TENM4: variants seen among roughly 807,000 people sequenced by gnomAD.
The protein encoded by TENM4 is teneurin-4.
In TENM4, 82 loss-of-function variants were observed where a neutral mutation model predicts 243.3. The ratio of observed to expected loss-of-function variants is 0.34; its 90% CI spans 0.28 to 0.40. TENM4 has a LOEUF of 0.40. Ranked by LOEUF, TENM4 falls within the 10% of genes least tolerant of loss-of-function variation. The pLI, the probability that TENM4 is intolerant of heterozygous loss-of-function variation, is 1.00. For missense variants in TENM4, 3,138 were observed against 3,673.3 expected, an observed-to-expected ratio of 0.85 and a Z score of 3.77; for synonymous variants, 1,412 against 1,456.3, an observed-to-expected ratio of 0.97 and a Z score of 0.69.
chr11:79,140,528 C>T (rs188945452), intron 4 of TENM4, among the ~76,000 whole-genome samples: 1 of 152,212 alleles, frequency 6.6e-6, no homozygotes, highest in Non-Finnish European at 1.5e-5. Flanking sequence ...GTGTGAGGCT[C>T]AGACTGAGCC....
chr11:79,235,936 G>T (rs1003050505), intron 2 of TENM4, among the ~76,000 whole-genome samples: 1 of 152,018 alleles, frequency 6.6e-6, no homozygotes, highest in African/African-American at 2.4e-5. Context: ...GATGCCTGAG[G>T]TTCAAGCTCT....
intron 6 of TENM4, among the ~76,000 whole-genome samples, chr11:79,038,150 G>A (rs1487916860): frequency 1.3e-5 from 2 of 152,138 alleles, no homozygotes; most frequent in Non-Finnish European, 2.9e-5. Context: ...TCCAGCATAG[G>A]GCCTGCCTAG....
chr11:79,180,094 T>C (rs1466403253), intron 3 of TENM4, among the ~76,000 whole-genome samples: 1 of 151,718 alleles, frequency 6.6e-6, no homozygotes, highest in East Asian at 1.9e-4. Flanking sequence ...AGGTACAGGC[T>C]TAAAATTAAC....
At chr11:78,670,667 A>T in intron 31 of TENM4, 116 bp from the exon 32 acceptor site, 2 of 1,076,288 alleles carry the variant, frequency 1.9e-6, no homozygotes, top group Non-Finnish European at 2.7e-6. Flanking sequence ...CTGAGTTTCC[A>T]TGGTTCTCTT....
chr11:79,382,973 G>A (rs1668592633), intron 1 of TENM4, among the ~76,000 whole-genome samples: 1 of 152,238 alleles, frequency 6.6e-6, no homozygotes, highest in South Asian at 2.1e-4. Flanking sequence ...CGCTCTGCCT[G>A]TGGCCTCCTG....
At chr11:79,338,343 A>G (rs944258053) in intron 1 of TENM4, among the ~76,000 whole-genome samples, 1 of 152,172 alleles carries the variant, frequency 6.6e-6, no homozygotes, top group African/African-American at 2.4e-5. Context: ...ATTGTTTCTG[A>G]AAAGCAGCTG....
chr11:79,394,559 G>T (rs961529991), intron 1 of TENM4, among the ~76,000 whole-genome samples: 1 of 152,108 alleles, frequency 6.6e-6, no homozygotes, highest in Non-Finnish European at 1.5e-5. Flanking sequence ...CCATATAGAG[G>T]TATTATTTTG....
At chr11:78,900,121 T>C (rs936972296) in intron 7 of TENM4, among the ~76,000 whole-genome samples, 1 of 152,222 alleles carries the variant, frequency 6.6e-6, no homozygotes, top group South Asian at 2.1e-4. Flanking sequence ...ATGAATAGCC[T>C]AGCTGAGCTC....
At chr11:79,407,381 G>A (rs1339964234) in intron 1 of TENM4, among the ~76,000 whole-genome samples, 1 of 152,234 alleles carries the variant, frequency 6.6e-6, no homozygotes, top group Admixed American at 6.5e-5. Context: ...AACCAATCAT[G>A]TAATTAGTAA....
At chr11:79,245,698 G>A (rs1855498683) in intron 2 of TENM4, among the ~76,000 whole-genome samples, 1 of 152,144 alleles carries the variant, frequency 6.6e-6, no homozygotes, top group African/African-American at 2.4e-5. Context: ...CCAGCACTTT[G>A]GGAGGCTGAG....
At position 78,852,292 on chromosome 11, in the gene TENM4, A is replaced by G. The variant is rs142496186; in HGVS notation, c.1681+1812T>C. 3.0e-4 allele frequency among the ~76,000 whole-genome samples: 46 copies of G among 152,362 alleles called. 1 individual carries two copies. In the East Asian group the frequency reaches 8.7e-3, roughly 29 times the overall value. ...TATTTAGAGCAGAAGCTTTTCAGCC[A>G]CACCCTGTATTTAATGGGAAGATAC... is the stretch of plus-strand genomic sequence containing the variant. On this transcript the variant is annotated intron_variant, in intron 12 of 33. Transcript: ENST00000278550.
At chr11:79,319,606 G>A (rs1319631340) in intron 1 of TENM4, among the ~76,000 whole-genome samples, 7 of 152,092 alleles carry the variant, frequency 4.6e-5, no homozygotes, top group Non-Finnish European at 7.4e-5. Context: ...CCAGCAACGC[G>A]CAGCCTGATC....
intron 19 of TENM4, among the ~76,000 whole-genome samples, chr11:78,750,421 A>T (rs1197782355): frequency 6.6e-6 from 1 of 152,168 alleles, no homozygotes; most frequent in Non-Finnish European, 1.5e-5. Context: ...CCCGACTGAA[A>T]TTTTTGTCTC....
intron 3 of TENM4, among the ~76,000 whole-genome samples, chr11:79,200,183 C>T (rs1863711473): frequency 1.3e-5 from 2 of 152,182 alleles, no homozygotes. Flanking sequence ...TCTAGGGATG[C>T]CAACGCAGGC....
intron 2 of TENM4, among the ~76,000 whole-genome samples, chr11:79,293,148 TC>T (rs1856385109): frequency 1.3e-5 from 2 of 152,030 alleles, no homozygotes; most frequent in African/African-American, 2.4e-5. Flanking sequence ...TTTATGTAAG[TC>T]AAGTACATAA....
At chr11:79,322,162 G>T (rs563509853) in intron 1 of TENM4, among the ~76,000 whole-genome samples, 42 of 152,146 alleles carry the variant, frequency 2.8e-4, no homozygotes, top group Non-Finnish European at 5.6e-4. Flanking sequence ...CTGTCCAGAT[G>T]GCCCCTCTGC....
At chr11:79,026,970 G>A (rs1859097172) in intron 6 of TENM4, among the ~76,000 whole-genome samples, 1 of 152,098 alleles carries the variant, frequency 6.6e-6, no homozygotes, top group African/African-American at 2.4e-5. Context: ...AGTGGGCTAG[G>A]GAGGCAGTGA....
At position 78,661,451 on chromosome 11, in the gene TENM4, T is replaced by C. The variant is rs757694233; in HGVS notation, c.7549A>G (p.Lys2517Glu). 1 of 1,607,860 alleles carries C rather than the reference T, an allele frequency of 6.2e-7. No homozygotes were observed. Among genetic ancestry groups the C allele is most frequent in the Non-Finnish European group, 8.5e-7 (1 of 1,177,368 alleles). Residue 2517 changes from lysine (K) to glutamate (E), a missense_variant and splice_region_variant, in exon 33 of 34, where the codon AAG becomes GAG. By Grantham distance (56) the Lys-to-Glu change is moderately conservative. Transcript: ENST00000278550. ...QMKTQEWDNSKSILGVQCEVQ... is the reference protein window; with the variant it reads ...QMKTQEWDNSESILGVQCEVQ... ...TGGCAGCCTTGTGCAGGAATTACCT[T>C]GCTGTTGTCCCACTCCTGCGTTTTC... is the stretch of plus-strand genomic sequence containing the variant.
chr11:79,334,847 A>C (rs1359060476), intron 1 of TENM4, among the ~76,000 whole-genome samples: 1 of 152,214 alleles, frequency 6.6e-6, no homozygotes, highest in East Asian at 1.9e-4. Flanking sequence ...CAGAACTCCT[A>C]ATCTGAATAA....
Sources: gnomAD v4.1 joint callset for allele counts (sites outside exome capture counted in the v4.1 genomes callset) on GRCh38, gnomAD v4.1.1 for gene constraint, MANE v1.5 for transcripts, NCBI Gene and HGNC (gene_info 2026-07-23, HGNC 2026-07-21) for gene names.